Variants in ADAMTS12 observed in about 807,000 individuals in gnomAD.
The protein encoded by ADAMTS12 is A disintegrin and metalloproteinase with thrombospondin motifs 12.
ADAMTS12 carries 118 observed loss-of-function variants against 167.8 expected under a neutral mutation model. That is an observed-to-expected ratio of 0.70 (90% CI 0.61 to 0.82). ADAMTS12 has a LOEUF of 0.82. Among genes scored for constraint, ADAMTS12 ranks in the 40% least tolerant of loss-of-function variants. The pLI is 0.00. For missense variants in ADAMTS12, 1,916 were observed against 1,998.8 expected (o/e 0.96, Z 0.79); for synonymous variants, 704 against 716.9 (o/e 0.98, Z 0.29).
At chr5:33,601,526 GGGAATAAA>G (rs1466314690) in intron 16 of ADAMTS12, among the ~76,000 whole-genome samples, 1 of 152,148 alleles carries the variant, frequency 6.6e-6, no homozygotes, top group Non-Finnish European at 1.5e-5. Context: ...TCTGAGGCTA[GGGAATAAA>G]GCGAACTCAA....
intron 2 of ADAMTS12, among the ~76,000 whole-genome samples, chr5:33,861,594 C>A (rs1040769369): frequency 1.3e-5 from 2 of 152,226 alleles, no homozygotes; most frequent in East Asian, 3.9e-4. Flanking sequence ...CTTTAACACC[C>A]CACTGTCAAT....
intron 3 of ADAMTS12, among the ~76,000 whole-genome samples, chr5:33,685,707 T>G (rs979210502): frequency 6.6e-6 from 1 of 152,180 alleles, no homozygotes; most frequent in Non-Finnish European, 1.5e-5. Context: ...GGAAGTCCTG[T>G]GAAGATTTAA....
At position 33,887,288 on chromosome 5, in the gene ADAMTS12, T is replaced by C. The variant is rs182411151; in HGVS notation, c.127+4442A>G. On this transcript the variant is annotated intron_variant, in intron 1 of 23. Transcript: ENST00000504830. The stretch of plus-strand genomic sequence containing the variant: ...GAGTAAGCATTATTAACTGTATCCC[T>C]CATCTGGGACTATACTTCCATCTCC... Among the ~76,000 whole-genome samples the C allele has an allele frequency of 2.0e-5, 3 of 152,264 alleles. No individual in the cohort carries two copies. The East Asian group carries it at 5.8e-4, about 29-fold the overall frequency.
rs1743682732 is a variant in ADAMTS12, at chr5:33,523,706, A to G, written c.*3482T>C. ...TGGGCTGGGCCGTGTATGTCATACAATTATTTTGGAGGACAATGATGGGTA... is the reference window on the plus strand; with the variant it reads ...TGGGCTGGGCCGTGTATGTCATACAGTTATTTTGGAGGACAATGATGGGTA... On this transcript the variant is annotated 3_prime_UTR_variant, in exon 24 of 24. Coordinates refer to ENST00000504830, the MANE Select transcript of ADAMTS12 (RefSeq NM_030955.4). 6.6e-6 allele frequency: 1 copy of G among 152,190 alleles called. No homozygotes were observed. The highest frequency in any genetic ancestry group is 1.5e-5 in the Non-Finnish European group (1 of 68,038). The allele number at this position is 152,190 out of a possible 1,614,324, so 9.4% of individuals were successfully genotyped here.
In ADAMTS12 at chr5:33,638,466, C is replaced by T. The variant is rs549221056; in HGVS notation, c.1719-720G>A. On this transcript the variant is annotated intron_variant, in intron 11 of 23. Coordinates refer to ENST00000504830, the MANE Select transcript of ADAMTS12 (RefSeq NM_030955.4). ...TTCATGTTACACTGCTCCAGTGGTG[C>T]CACCTGCCTTATTTAATATTTCTTT... 1.5e-4 allele frequency among the ~76,000 whole-genome samples: 22 copies of T among 144,674 alleles called. No individual in the cohort carries two copies. In the South Asian group the frequency reaches 4.9e-3, roughly 32 times the overall value. 94.9% of individuals were successfully genotyped at this position (144,674 alleles called of 152,430 possible). A position where few individuals can be genotyped will look rare whatever the true frequency, so the allele number is the denominator to read the frequency against.
intron 3 of ADAMTS12, among the ~76,000 whole-genome samples, chr5:33,732,879 A>C (rs1448634766): frequency 6.6e-6 from 1 of 152,138 alleles, no homozygotes; most frequent in Non-Finnish European, 1.5e-5. Context: ...GGAATGTGTA[A>C]ATAAATTTTG....
At chr5:33,728,951 CAT>C (rs774477916) in intron 3 of ADAMTS12, among the ~76,000 whole-genome samples, 12 of 152,104 alleles carry the variant, frequency 7.9e-5, no homozygotes, top group African/African-American at 1.7e-4. Context: ...ATATCATATG[CAT>C]ATATGTGTAT....
At chr5:33,549,069 G>C (rs1239552355) in intron 21 of ADAMTS12, 138 bp downstream of exon 21, 1 of 1,075,216 alleles carries the variant, frequency 9.3e-7, no homozygotes, top group East Asian at 2.6e-5. Context: ...CACATACAGG[G>C]TGGGGTCACT....
At chr5:33,689,850 A>G (rs755411322) in intron 3 of ADAMTS12, among the ~76,000 whole-genome samples, 4 of 152,216 alleles carry the variant, frequency 2.6e-5, no homozygotes, top group Non-Finnish European at 5.9e-5. Context: ...CCTTTCCTTG[A>G]TACAAAGATT....
chr5:33,867,645 A>G (rs992200349), intron 2 of ADAMTS12, among the ~76,000 whole-genome samples: 2 of 152,164 alleles, frequency 1.3e-5, no homozygotes, highest in Non-Finnish European at 2.9e-5. Flanking sequence ...GCACAAACAC[A>G]CACACACATA....
chr5:33,788,349 A>C (rs1482470529), intron 2 of ADAMTS12, among the ~76,000 whole-genome samples: 1 of 152,162 alleles, frequency 6.6e-6, no homozygotes, highest in Non-Finnish European at 1.5e-5. Flanking sequence ...ATTAAATTTC[A>C]TAACAACTCA....
At chr5:33,574,244 T>C (rs1392714938) in intron 19 of ADAMTS12, among the ~76,000 whole-genome samples, 1 of 152,064 alleles carries the variant, frequency 6.6e-6, no homozygotes, top group Non-Finnish European at 1.5e-5. Flanking sequence ...ATCCCATTAC[T>C]GGGTATATAC....
intron 3 of ADAMTS12, among the ~76,000 whole-genome samples, chr5:33,714,292 C>T (rs559859341): frequency 1.1e-3 from 174 of 152,068 alleles, no homozygotes; most frequent in African/African-American, 4.1e-3. Flanking sequence ...GGCAAGGATG[C>T]GGAAGAAAAG....
intron 5 of ADAMTS12, among the ~76,000 whole-genome samples, chr5:33,666,092 T>C (rs1445382828): frequency 2.0e-5 from 3 of 152,244 alleles, no homozygotes; most frequent in Non-Finnish European, 4.4e-5. Context: ...AGCTCAGTCC[T>C]GCTCCCACAC....
chr5:33,539,124 T>C (rs1744557501), intron 22 of ADAMTS12, among the ~76,000 whole-genome samples: 1 of 152,100 alleles, frequency 6.6e-6, no homozygotes, highest in African/African-American at 2.4e-5. Context: ...TTATTTTTAG[T>C]AGAGATGAGA....
intron 2 of ADAMTS12, among the ~76,000 whole-genome samples, chr5:33,798,302 GC>G (rs1186608499): frequency 6.6e-6 from 1 of 151,816 alleles, no homozygotes; most frequent in African/African-American, 2.4e-5. Flanking sequence ...ATTTCTAGAT[GC>G]TGGAAGTACA....
intron 2 of ADAMTS12, among the ~76,000 whole-genome samples, chr5:33,817,255 C>T (rs979579919): frequency 2.6e-5 from 4 of 152,160 alleles, no homozygotes; most frequent in African/African-American, 9.7e-5. Context: ...GAGACATTAA[C>T]TTGAACTTTA....
chr5:33,665,631 A>G (rs1437203621), intron 5 of ADAMTS12, among the ~76,000 whole-genome samples: 1 of 152,190 alleles, frequency 6.6e-6, no homozygotes, highest in East Asian at 1.9e-4. Context: ...TGAGAGAAAG[A>G]CTTCAGGTGG....
intron 2 of ADAMTS12, among the ~76,000 whole-genome samples, chr5:33,853,862 T>C (rs1262954487): frequency 6.6e-6 from 1 of 152,192 alleles, no homozygotes; most frequent in East Asian, 1.9e-4. Flanking sequence ...TCTGAGAATG[T>C]GCATTTCTAA....
Sources: gnomAD v4.1 joint callset for allele counts (sites outside exome capture counted in the v4.1 genomes callset) on GRCh38, gnomAD v4.1.1 for gene constraint, MANE v1.5 for transcripts, NCBI Gene and HGNC (gene_info 2026-07-23, HGNC 2026-07-21) for gene names.